Variants in KIAA1217 observed in about 807,000 individuals in gnomAD.
The protein encoded by KIAA1217 is KIAA1217, also known as sickle tail protein homolog.
In KIAA1217, 88 loss-of-function variants were observed where a neutral mutation model predicts 163.9. The observed-to-expected ratio is 0.54, with a 90% CI of 0.45 to 0.64. The LOEUF is 0.64. KIAA1217 is among the 30% of genes least tolerant of loss of function. The pLI is 0.00. For synonymous variants in KIAA1217, 903 were observed against 923.1 expected, an observed-to-expected ratio of 0.98 and a Z score of 0.39; for missense variants, 2,372 against 2,475.0, an observed-to-expected ratio of 0.96 and a Z score of 0.88.
chr10:24,532,528 G>C (rs559318906), intron 15 of KIAA1217, among the ~76,000 whole-genome samples: 129 of 152,328 alleles, frequency 8.5e-4, no homozygotes, highest in African/African-American at 2.8e-3. Flanking sequence ...AAAGGGAAGA[G>C]ATTTAATGGA....
chr10:24,266,815 A>G (rs1440349366), intron 2 of KIAA1217, among the ~76,000 whole-genome samples: 1 of 152,216 alleles, frequency 6.6e-6, no homozygotes, highest in Non-Finnish European at 1.5e-5. Flanking sequence ...CCCAGCCAGT[A>G]GTGGCAACCC....
intron 2 of KIAA1217, chr10:24,367,303 T>G (rs1004632656): frequency 2.7e-5 from 7 of 261,116 alleles, no homozygotes; most frequent in Non-Finnish European, 4.2e-5. Context: ...CACTAACGCC[T>G]GCACTTTTCG....
At chr10:23,724,724 T>C (rs914485627) in intron 1 of KIAA1217, among the ~76,000 whole-genome samples, 2 of 152,240 alleles carry the variant, frequency 1.3e-5, no homozygotes, top group African/African-American at 2.4e-5. Context: ...ACAATCTCTT[T>C]AAGCCGTTCT....
At chr10:24,417,922 A>G (rs1170496525) in intron 3 of KIAA1217, among the ~76,000 whole-genome samples, 2 of 150,204 alleles carry the variant, frequency 1.3e-5, no homozygotes, top group African/African-American at 4.9e-5. Context: ...AGCAAGCACC[A>G]TGGTTTTCTG....
rs554360103 is a variant in KIAA1217 at position 24,122,368 on chromosome 10, G to A, written c.-170-97258G>A. Reference sequence around the variant, plus strand: ...CTGTGTAGTATTCCCGGGTGTATATGTACCACATTTTCTTTATCCAGTCCA... The same window carrying A: ...CTGTGTAGTATTCCCGGGTGTATATATACCACATTTTCTTTATCCAGTCCA... On this transcript the variant is annotated intron_variant, in intron 2 of 18. Coordinates refer to the KIAA1217 transcript ENST00000376462. 2.0e-5 allele frequency among the ~76,000 whole-genome samples: 3 copies of A among 152,174 alleles called. No homozygotes were observed. The South Asian group carries it at 6.2e-4, about 32-fold the overall frequency.
chr10:24,490,231 C>G (rs2065939008), intron 6 of KIAA1217, among the ~76,000 whole-genome samples: 1 of 152,164 alleles, frequency 6.6e-6, no homozygotes, highest in Non-Finnish European at 1.5e-5. Flanking sequence ...TTTACGAAAT[C>G]ATTTTTAAGC....
intron 1 of KIAA1217, among the ~76,000 whole-genome samples, chr10:23,983,887 A>G (rs567839500): frequency 1.3e-5 from 2 of 152,350 alleles, no homozygotes; most frequent in Non-Finnish European, 2.9e-5. Context: ...GGGCTTTTAA[A>G]CTAAAAAGGC....
intron 1 of KIAA1217, among the ~76,000 whole-genome samples, chr10:23,901,142 T>G (rs1841938072): frequency 6.6e-6 from 1 of 152,090 alleles, no homozygotes; most frequent in Non-Finnish European, 1.5e-5. Flanking sequence ...ATTAGTTTCC[T>G]TAAGTGAATA....
chr10:24,441,123 G>A (rs1286454112), intron 5 of KIAA1217, among the ~76,000 whole-genome samples: 3 of 152,174 alleles, frequency 2.0e-5, no homozygotes, highest in Non-Finnish European at 4.4e-5. Flanking sequence ...CTGCAGCGTG[G>A]GGTTAGGGAA....
chr10:23,706,011 ATGT>A (rs575486372), intron 1 of KIAA1217, among the ~76,000 whole-genome samples: 155 of 152,214 alleles, frequency 1.0e-3, no homozygotes, highest in African/African-American at 3.4e-3. Context: ...TTTATTTTAA[ATGT>A]TGTTGTAAAT....
intron 2 of KIAA1217, among the ~76,000 whole-genome samples, chr10:24,378,031 T>TG (rs2052748292): frequency 6.6e-6 from 1 of 152,154 alleles, no homozygotes; most frequent in South Asian, 2.1e-4. Flanking sequence ...CTGAAGATCG[T>TG]GGGGGTCTCA....
At chr10:23,976,879 A>AAGGACTCTGTATGTGCATTT (rs1229952400) in intron 1 of KIAA1217, among the ~76,000 whole-genome samples, 1 of 152,212 alleles carries the variant, frequency 6.6e-6, no homozygotes, top group African/African-American at 2.4e-5. Flanking sequence ...TTGCTTAAAT[A>AAGGACTCTGTATGTGCATTT]AGGACTCTGT....
intron 2 of KIAA1217, among the ~76,000 whole-genome samples, chr10:24,324,129 A>T (rs571759453): frequency 6.0e-4 from 91 of 151,674 alleles, no homozygotes; most frequent in African/African-American, 2.2e-3. Context: ...TTAGCTAAAC[A>T]TGGTAACATG....
chr10:23,739,180 T>C (rs1838968412), intron 1 of KIAA1217, among the ~76,000 whole-genome samples: 1 of 152,176 alleles, frequency 6.6e-6, no homozygotes, highest in Non-Finnish European at 1.5e-5. Context: ...TTCTCACTTA[T>C]AAGTGGGAAC....
intron 1 of KIAA1217, among the ~76,000 whole-genome samples, chr10:23,969,928 A>G (rs1369666561): frequency 2.6e-5 from 4 of 152,200 alleles, no homozygotes; most frequent in Admixed American, 6.5e-5. Flanking sequence ...CTTACATGGT[A>G]GCAGGCAAGA....
chr10:24,013,209 C>G (rs1304905800), intron 2 of KIAA1217, among the ~76,000 whole-genome samples: 1 of 152,002 alleles, frequency 6.6e-6, no homozygotes, highest in African/African-American at 2.4e-5. Flanking sequence ...TCCAGTGTAT[C>G]TAAGCACAAG....
intron 2 of KIAA1217, among the ~76,000 whole-genome samples, chr10:24,338,793 A>G (rs1284924598): frequency 6.6e-6 from 1 of 152,178 alleles, no homozygotes; most frequent in Non-Finnish European, 1.5e-5. Context: ...TAGGAAATCT[A>G]GACAGAATTG....
At chr10:24,063,243 G>A (rs566455874) in intron 2 of KIAA1217, among the ~76,000 whole-genome samples, 1 of 152,084 alleles carries the variant, frequency 6.6e-6, no homozygotes, top group Non-Finnish European at 1.5e-5. Context: ...GTATTGCCTA[G>A]GTTTTCTTCT....
chr10:24,275,544 T>C, intron 2 of KIAA1217: 1 of 419,600 alleles, frequency 2.4e-6, no homozygotes, highest in Non-Finnish European at 4.8e-6. Flanking sequence ...GAGTATTAAT[T>C]TGAGGGTCAC....
Sources: gnomAD v4.1 joint callset for allele counts (sites outside exome capture counted in the v4.1 genomes callset) on GRCh38, gnomAD v4.1.1 for gene constraint, MANE v1.5 for transcripts, NCBI Gene and HGNC (gene_info 2026-07-23, HGNC 2026-07-21) for gene names.